FSTL4: variants seen among roughly 807,000 people sequenced by gnomAD.
FSTL4 encodes follistatin like 4, also known as follistatin-related protein 4.
Under a neutral mutation model 78.2 loss-of-function variants are expected in FSTL4, and 28 were observed. That is an observed-to-expected ratio of 0.36 (90% CI 0.27 to 0.49). FSTL4 has a LOEUF of 0.49. FSTL4 is among the 20% of genes least tolerant of loss of function. The pLI, the probability that FSTL4 is intolerant of heterozygous loss-of-function variation, is 0.98. For synonymous variants in FSTL4, 422 were observed against 440.5 expected (o/e 0.96, Z 0.53); for missense variants, 922 against 1,084.9 (o/e 0.85, Z 2.11).
chr5:133,559,818 G>A (rs1015660885), intron 3 of FSTL4, among the ~76,000 whole-genome samples: 4 of 152,206 alleles, frequency 2.6e-5, no homozygotes, highest in Non-Finnish European at 4.4e-5. Flanking sequence ...GGGCAGAGGA[G>A]CTCTCTGAGG....
intron 4 of FSTL4, among the ~76,000 whole-genome samples, chr5:133,349,291 CTCTCTGTGTGTGTG>C (rs1754767639): frequency 1.0e-5 from 1 of 96,718 alleles, no homozygotes; most frequent in Admixed American, 9.6e-5. Context: ...GAAAGCCTCT[CTCTCTGTGTGTGTG>C]TGTGTGTGTG....
chr5:133,210,239 C>T lies in FSTL4; in HGVS notation c.1668G>A (p.Val556=), dbSNP rs200627210. Residue 556 remains valine (V), a synonymous_variant, in exon 14 of 16, where the codon GTG becomes GTA. Transcript: ENST00000265342. ...GCACGTCCCCCCAGCTCAGGACCCA[C>T]ACTTGGTCATGTGACTTGTCATAGG... The part of the protein sequence containing the change: ...KLSYDKSHDQ[V]WVLSWGDVHK... The T allele has an allele frequency of 3.0e-5, 48 of 1,613,208 alleles. No individual in the cohort carries two copies. The highest frequency in any genetic ancestry group is 2.0e-4 in the Admixed American group (12 of 59,984).
chr5:133,359,851 G>A (rs1024927223), intron 4 of FSTL4, among the ~76,000 whole-genome samples: 1 of 152,184 alleles, frequency 6.6e-6, no homozygotes, highest in Non-Finnish European at 1.5e-5. Flanking sequence ...GGCCTCAGTT[G>A]TCCCTCACGG....
chr5:133,767,315 T>A, the FSTL4 span, among the ~76,000 whole-genome samples: 1 of 152,192 alleles, frequency 6.6e-6, no homozygotes, highest in East Asian at 1.9e-4. Context: ...CATGTGCCCT[T>A]GTAGAGTGGG....
chr5:133,221,080 T>A, intron 11 of FSTL4: 1 of 653,998 alleles, frequency 1.5e-6, no homozygotes, highest in Non-Finnish European at 2.8e-6. Flanking sequence ...CAGTAAAGCA[T>A]GTCACAGGCT....
chr5:133,784,748 A>G, the FSTL4 span, among the ~76,000 whole-genome samples: 1 of 151,830 alleles, frequency 6.6e-6, no homozygotes, highest in African/African-American at 2.4e-5. Context: ...AAAAAAAAAA[A>G]GCAGCACATA....
intron 2 of FSTL4, chr5:133,583,465 C>T (rs1288455240): frequency 1.4e-5 from 3 of 209,612 alleles, no homozygotes; most frequent in South Asian, 3.8e-5. Context: ...CGAAGCAGGG[C>T]GAGGCATTGC....
chr5:133,548,608 C>A (rs919293409), intron 3 of FSTL4, among the ~76,000 whole-genome samples: 6 of 152,144 alleles, frequency 3.9e-5, no homozygotes, highest in South Asian at 4.1e-4. Flanking sequence ...GATACTAACA[C>A]TACTGGCATT....
At chr5:133,283,877 C>A (rs911319016) in intron 6 of FSTL4, among the ~76,000 whole-genome samples, 1 of 152,184 alleles carries the variant, frequency 6.6e-6, no homozygotes, top group Non-Finnish European at 1.5e-5. Flanking sequence ...AACTTACAAT[C>A]ATGGCAGAAG....
At chr5:133,483,524 C>A (rs536293762) in intron 3 of FSTL4, among the ~76,000 whole-genome samples, 1 of 152,300 alleles carries the variant, frequency 6.6e-6, no homozygotes, top group South Asian at 2.1e-4. Context: ...TCCAGTCCCC[C>A]GTGGATGGGC....
At chr5:133,579,026 C>A (rs1440185012) in intron 2 of FSTL4, among the ~76,000 whole-genome samples, 2 of 152,192 alleles carry the variant, frequency 1.3e-5, no homozygotes, top group East Asian at 1.9e-4. Flanking sequence ...TAACTCAGCA[C>A]CCTGAGGAAC....
chr5:133,733,079 A>G, the FSTL4 span, among the ~76,000 whole-genome samples: 111 of 152,348 alleles, frequency 7.3e-4, no homozygotes, highest in Non-Finnish European at 2.8e-4. Context: ...TGAATTCACA[A>G]ATAAATGGCA....
intron 3 of FSTL4, among the ~76,000 whole-genome samples, chr5:133,470,078 C>G (rs1431635725): frequency 1.3e-5 from 2 of 152,170 alleles, no homozygotes; most frequent in African/African-American, 4.8e-5. Context: ...ACGTGACACC[C>G]AGCTCCCAGC....
At position 133,274,656 on chromosome 5, in the gene FSTL4, A is replaced by G. The variant is rs185212589; in HGVS notation, c.728-25080T>C. Among the ~76,000 whole-genome samples the G allele has an allele frequency of 9.2e-5, 14 of 152,270 alleles. No individual in the cohort carries two copies. The East Asian group carries it at 2.7e-3, about 29-fold the overall frequency. Reference sequence around the variant, plus strand: ...TGCTCAGACCGCCCACGTGACCCAGAAAGCTAATCCTTCCGTCAACACAGC... The same window carrying G: ...TGCTCAGACCGCCCACGTGACCCAGGAAGCTAATCCTTCCGTCAACACAGC... On this transcript the variant is annotated intron_variant, in intron 6 of 15. Transcript: ENST00000265342.
intron 4 of FSTL4, among the ~76,000 whole-genome samples, chr5:133,396,735 A>G (rs938745970): frequency 2.0e-5 from 3 of 152,196 alleles, no homozygotes; most frequent in African/African-American, 4.8e-5. Flanking sequence ...GAAGAAGAAG[A>G]AAAAAATGGC....
At chr5:133,688,591 C>T in the FSTL4 span, among the ~76,000 whole-genome samples, 1 of 152,242 alleles carries the variant, frequency 6.6e-6, no homozygotes, top group Non-Finnish European at 1.5e-5. Flanking sequence ...CTGTTCTCAA[C>T]CCAGTCATTC....
rs144768841 is a variant in FSTL4 at position 133,434,698 on chromosome 5, T to C, written c.161-33712A>G. ...TAATAAATAAGTACTGCCAAATTAC[T>C]GGCCACAGAGTTGGTGCCATTTTAT... On this transcript the variant is annotated intron_variant, in intron 3 of 15. Transcript: ENST00000265342. Among the ~76,000 whole-genome samples the C allele has an allele frequency of 6.2e-3, 947 of 152,310 alleles. 10 individuals carry two copies. The highest frequency in any genetic ancestry group is 0.021 in the African/African-American group (879 of 41,548).
intron 12 of FSTL4, among the ~76,000 whole-genome samples, chr5:133,218,976 A>C (rs113383727): frequency 0.031 from 4,700 of 152,320 alleles, 138 homozygotes; most frequent in African/African-American, 0.082. Context: ...GTATTTGCTG[A>C]CAGAATAAAT....
At chr5:133,378,023 A>G (rs1052811966) in intron 4 of FSTL4, among the ~76,000 whole-genome samples, 1 of 152,226 alleles carries the variant, frequency 6.6e-6, no homozygotes, top group African/African-American at 2.4e-5. Context: ...AACTGTAAAC[A>G]AAGAATCGTA....
Sources: allele counts gnomAD v4.1 joint callset (sites outside exome capture counted in the v4.1 genomes callset), GRCh38; gene constraint gnomAD v4.1.1; transcripts MANE v1.5; gene names NCBI Gene and HGNC (gene_info 2026-07-23, HGNC 2026-07-21).